The following MAGI2 variants were observed in gnomAD, a reference collection of about 807,000 sequenced individuals.
MAGI2 encodes membrane associated guanylate kinase, WW and PDZ domain containing 2.
Under a neutral mutation model 133.3 loss-of-function variants are expected in MAGI2, and 35 were observed. The ratio of observed to expected loss-of-function variants is 0.26; its 90% CI spans 0.20 to 0.35. MAGI2 has a LOEUF of 0.35. Ranked by LOEUF, MAGI2 falls within the 10% of genes least tolerant of loss-of-function variation. The pLI, the probability that MAGI2 is intolerant of heterozygous loss-of-function variation, is 1.00. For synonymous variants in MAGI2, 729 were observed against 710.6 expected (o/e 1.03, Z -0.41); for missense variants, 1,636 against 1,863.4 (o/e 0.88, Z 2.25).
At chr7:79,298,073 A>T (rs540144349) in intron 1 of MAGI2, among the ~76,000 whole-genome samples, 1 of 152,284 alleles carries the variant, frequency 6.6e-6, no homozygotes, top group Admixed American at 6.5e-5. Flanking sequence ...ATTAAAGTTG[A>T]ATATAAGTTA....
chr7:79,334,623 T>G (rs1192025147), intron 1 of MAGI2, among the ~76,000 whole-genome samples: 3 of 152,150 alleles, frequency 2.0e-5, no homozygotes, highest in Admixed American at 1.3e-4. Flanking sequence ...TTTAAAGAAT[T>G]ATGGTATACT....
chr7:78,871,617 A>G (rs1276661075), intron 2 of MAGI2, among the ~76,000 whole-genome samples: 1 of 152,138 alleles, frequency 6.6e-6, no homozygotes, highest in Non-Finnish European at 1.5e-5. Context: ...AAGAATGCTA[A>G]TTATTGAAAA....
In MAGI2 at chr7:78,760,270, C is replaced by A. The variant is rs117331621; in HGVS notation, c.419-133031G>T. ...CAGCTGGAGTGTAACAATGGTGTAA[C>A]AGTTCCTGTATTAAAATTTCCACCC... On this transcript the variant is annotated intron_variant, in intron 2 of 21. Transcript: ENST00000354212. Among the ~76,000 whole-genome samples, 131 of 151,820 alleles carry A rather than the reference C, an allele frequency of 8.6e-4. No homozygotes were observed. The East Asian group carries it at 0.011, about 13-fold the overall frequency.
At chr7:79,309,845 A>G (rs1838098190) in intron 1 of MAGI2, among the ~76,000 whole-genome samples, 1 of 151,694 alleles carries the variant, frequency 6.6e-6, no homozygotes, top group African/African-American at 2.4e-5. Context: ...AAGTATCTCC[A>G]TCAGGTCAGG....
At chr7:78,953,254 C>G (rs1802015867) in intron 2 of MAGI2, among the ~76,000 whole-genome samples, 1 of 152,162 alleles carries the variant, frequency 6.6e-6, no homozygotes, top group Non-Finnish European at 1.5e-5. Context: ...CATCTGGTAT[C>G]CATCTGAATG....
chr7:79,411,194 G>A (rs1236659364), intron 1 of MAGI2: 1 of 152,176 alleles, frequency 6.6e-6, no homozygotes, highest in Middle Eastern at 3.4e-3. Flanking sequence ...TAACCTTCTT[G>A]AGCTTTGTGG....
chr7:78,608,048 C>A (rs978042127), intron 3 of MAGI2, among the ~76,000 whole-genome samples: 1 of 152,162 alleles, frequency 6.6e-6, no homozygotes, highest in Non-Finnish European at 1.5e-5. Flanking sequence ...GCTGAGAGAG[C>A]AAATTAATTT....
chr7:78,838,313 C>T (rs981841765), intron 2 of MAGI2, among the ~76,000 whole-genome samples: 8 of 151,946 alleles, frequency 5.3e-5, no homozygotes, highest in African/African-American at 1.9e-4. Flanking sequence ...TTGCCACTGG[C>T]CTTCATCACA....
At chr7:78,118,090 G>A (rs558285366) in intron 20 of MAGI2, among the ~76,000 whole-genome samples, 1 of 152,234 alleles carries the variant, frequency 6.6e-6, no homozygotes, top group Admixed American at 6.5e-5. Context: ...CAAAGGCAAT[G>A]CAATGAAGAA....
chr7:78,519,312 G>T (rs1796301466), intron 4 of MAGI2, among the ~76,000 whole-genome samples: 2 of 151,642 alleles, frequency 1.3e-5, no homozygotes, highest in Admixed American at 1.3e-4. Flanking sequence ...ACCATTTTTT[G>T]GTTTGAGACT....
chr7:79,351,731 TA>T (rs1470269538), intron 1 of MAGI2: 1 of 152,224 alleles, frequency 6.6e-6, no homozygotes, highest in East Asian at 1.9e-4. Context: ...GAACACTTTC[TA>T]AAAACATGGA....
At chr7:79,157,551 C>A (rs1406235510) in intron 1 of MAGI2, among the ~76,000 whole-genome samples, 1 of 79,142 alleles carries the variant, frequency 1.3e-5, no homozygotes, top group Non-Finnish European at 3.6e-5. Context: ...CTCAGATCCT[C>A]CTTTTAAGAA....
intron 6 of MAGI2, among the ~76,000 whole-genome samples, chr7:78,448,190 C>T (rs1037534171): frequency 6.6e-6 from 1 of 151,986 alleles, no homozygotes; most frequent in Non-Finnish European, 1.5e-5. Flanking sequence ...TAGGTTGATT[C>T]CATTATCTCC....
chr7:78,892,955 G>C (rs1023175634), intron 2 of MAGI2, among the ~76,000 whole-genome samples: 5 of 151,988 alleles, frequency 3.3e-5, no homozygotes, highest in Admixed American at 6.6e-5. Context: ...CTACAAAATG[G>C]GAGAAAATTT....
chr7:78,941,957 C>G (rs182941400), intron 2 of MAGI2, among the ~76,000 whole-genome samples: 14 of 152,246 alleles, frequency 9.2e-5, no homozygotes, highest in Non-Finnish European at 1.6e-4. Context: ...ACTCCATCCC[C>G]CAAACCAGAC....
intron 1 of MAGI2, among the ~76,000 whole-genome samples, chr7:79,222,250 A>G (rs1268592970): frequency 6.6e-6 from 1 of 152,072 alleles, no homozygotes; most frequent in Non-Finnish European, 1.5e-5. Flanking sequence ...TTAGTTATCT[A>G]AAAGATATTT....
chr7:78,174,792 C>T lies in MAGI2; in HGVS notation c.2403+3219G>A, dbSNP rs573053483. Among the ~76,000 whole-genome samples the T allele has an allele frequency of 3.3e-5, 5 of 152,298 alleles. No individual in the cohort carries two copies. The South Asian group carries it at 1.0e-3, about 32-fold the overall frequency. Reference sequence around the variant, plus strand: ...GTTGTGTCTTTGAGCCACATGATATCAGCCTGGCCTCTGAGGAAGAAAGGG... The same window carrying T: ...GTTGTGTCTTTGAGCCACATGATATTAGCCTGGCCTCTGAGGAAGAAAGGG... On this transcript the variant is annotated intron_variant, in intron 14 of 21. Transcript: ENST00000354212.
chr7:79,128,889 G>C (rs933221948), intron 1 of MAGI2, among the ~76,000 whole-genome samples: 1 of 152,056 alleles, frequency 6.6e-6, no homozygotes, highest in African/African-American at 2.4e-5. Flanking sequence ...TTTATTTTTT[G>C]AGATGAATTC....
intron 20 of MAGI2, among the ~76,000 whole-genome samples, chr7:78,115,437 T>C (rs112248618): frequency 1.2e-4 from 19 of 152,186 alleles, no homozygotes; most frequent in African/African-American, 4.3e-4. Flanking sequence ...TGTTAAAATA[T>C]AAAAAATCCA....
Sources: gnomAD v4.1 joint callset for allele counts (sites outside exome capture counted in the v4.1 genomes callset) on GRCh38, gnomAD v4.1.1 for gene constraint, MANE v1.5 for transcripts, NCBI Gene and HGNC (gene_info 2026-07-23, HGNC 2026-07-21) for gene names.